The following OR51B5 variants were observed in gnomAD, a reference collection of about 807,000 sequenced individuals.
OR51B5 encodes olfactory receptor family 51 subfamily B member 5, also known as olfactory receptor 51B5.
For missense variants in OR51B5, 456 were observed against 374.6 expected, an observed-to-expected ratio of 1.22 and a Z score of -1.79; for synonymous variants, 186 against 144.8, an observed-to-expected ratio of 1.28 and a Z score of -2.04.
At chr11:5,366,321 GA>G (rs1228517437) in intron 1 of OR51B5, among the ~76,000 whole-genome samples, 1 of 152,108 alleles carries the variant, frequency 6.6e-6, no homozygotes, top group African/African-American at 2.4e-5. Context: ...GCCTGTTAAA[GA>G]AAAGGCTACA....
rs188813445 is a variant in OR51B5 at position 5,496,248 on chromosome 11, G to A, written n.84+9321C>T. Reference sequence around the variant, plus strand: ...GTTCCCTAGGAGTTCTTCTCATAGGGCCCCTTGCATGGCATGCCTCTGGTT... The same window carrying A: ...GTTCCCTAGGAGTTCTTCTCATAGGACCCCTTGCATGGCATGCCTCTGGTT... On this transcript the variant is annotated intron_variant and non_coding_transcript_variant, in intron 1 of 4. Transcript: ENST00000415970. 3.5e-3 allele frequency among the ~76,000 whole-genome samples: 187 copies of A among 53,340 alleles called. 3 individuals are homozygous for A. Among genetic ancestry groups the A allele is most frequent in the Non-Finnish European group, 5.0e-3 (121 of 24,430 alleles). The allele number at this position is 53,340 out of a possible 152,430, so 35.0% of individuals were successfully genotyped here.
At chr11:5,464,839 C>G (rs1851112752) in intron 1 of OR51B5, among the ~76,000 whole-genome samples, 1 of 152,076 alleles carries the variant, frequency 6.6e-6, no homozygotes, top group Admixed American at 6.5e-5. Context: ...ATTTCTAGTT[C>G]TAGATCCCTG....
At chr11:5,481,558 G>T (rs12291091) in intron 1 of OR51B5, among the ~76,000 whole-genome samples, 1 of 149,974 alleles carries the variant, frequency 6.7e-6, no homozygotes, top group Non-Finnish European at 1.5e-5. Flanking sequence ...AGGAAAAGAG[G>T]AAGTCAAATT....
chr11:5,476,846 G>T (rs1851314210), intron 1 of OR51B5, among the ~76,000 whole-genome samples: 1 of 151,982 alleles, frequency 6.6e-6, no homozygotes, highest in South Asian at 2.1e-4. Flanking sequence ...TACAGAGTTA[G>T]ATAGCTAACT....
intron 1 of OR51B5, among the ~76,000 whole-genome samples, chr11:5,460,404 A>G (rs1851031389): frequency 6.6e-6 from 1 of 152,244 alleles, no homozygotes. Context: ...TTTTGAAAAA[A>G]GAAATTCTTC....
At chr11:5,399,945 T>C (rs1399452960) in intron 1 of OR51B5, among the ~76,000 whole-genome samples, 1 of 152,136 alleles carries the variant, frequency 6.6e-6, no homozygotes, top group African/African-American at 2.4e-5. Flanking sequence ...GATCAAGGAT[T>C]CAGTAAGGCA....
chr11:5,496,515 T>C (rs753938868), intron 1 of OR51B5, among the ~76,000 whole-genome samples: 1 of 152,170 alleles, frequency 6.6e-6, no homozygotes, highest in Non-Finnish European at 1.5e-5. Flanking sequence ...CATGGCTTTG[T>C]ATTACCTCTT....
chr11:5,485,621 C>G (rs1851486764), intron 1 of OR51B5, among the ~76,000 whole-genome samples: 1 of 152,170 alleles, frequency 6.6e-6, no homozygotes, highest in South Asian at 2.1e-4. Flanking sequence ...TTCTAGTCCT[C>G]CAGCACAAAA....
intron 1 of OR51B5, among the ~76,000 whole-genome samples, chr11:5,433,377 T>C (rs1850557519): frequency 6.6e-6 from 1 of 152,148 alleles, no homozygotes; most frequent in Admixed American, 6.5e-5. Context: ...AACAGTGAAG[T>C]AGGAAGGGGT....
At chr11:5,351,459 T>C in intron 1 of OR51B5, 1 of 1,442,584 alleles carries the variant, frequency 6.9e-7, no homozygotes, top group Non-Finnish European at 9.5e-7. Context: ...TACAACTGAT[T>C]ACTATTGCTT....
At chr11:5,468,502 A>G (rs947387356) in intron 1 of OR51B5, 1 of 356,886 alleles carries the variant, frequency 2.8e-6, no homozygotes, top group Admixed American at 3.7e-5. Flanking sequence ...CTTAGCTCCC[A>G]ATAACATCTT....
chr11:5,385,349 A>G (rs566483559), intron 1 of OR51B5: 16 of 151,936 alleles, frequency 1.1e-4, no homozygotes, highest in Non-Finnish European at 1.9e-4. Flanking sequence ...TTGTCTCTGT[A>G]TAGACATCTT....
chr11:5,468,270 C>G (rs1851168172), intron 1 of OR51B5, among the ~76,000 whole-genome samples: 1 of 152,200 alleles, frequency 6.6e-6, no homozygotes, highest in African/African-American at 2.4e-5. Context: ...AGAGAAGTCA[C>G]TTGTGGCAAC....
At chr11:5,372,293 A>T (rs4462380) in intron 1 of OR51B5, among the ~76,000 whole-genome samples, 1 of 151,996 alleles carries the variant, frequency 6.6e-6, no homozygotes, top group Admixed American at 6.5e-5. Flanking sequence ...TACAGCAGAG[A>T]AATTTCTTCA....
At chr11:5,352,439 G>A (rs753316687) in intron 1 of OR51B5, 1 of 1,579,358 alleles carries the variant, frequency 6.3e-7, no homozygotes, top group South Asian at 1.1e-5. Flanking sequence ...CCTCACTCTA[G>A]AGCATGACAT....
At chr11:5,393,067 T>C (rs1849820751) in intron 1 of OR51B5, 1 of 152,216 alleles carries the variant, frequency 6.6e-6, no homozygotes, top group South Asian at 2.1e-4. Context: ...GCTCTGTGTC[T>C]CAGAAATGCC....
intron 1 of OR51B5, chr11:5,456,481 C>T (rs572938516): frequency 2.6e-5 from 4 of 152,170 alleles, no homozygotes; most frequent in South Asian, 4.2e-4. Flanking sequence ...AACTCTTTAA[C>T]TTCTTTTTAT....
At chr11:5,462,589 A>C (rs1851074042) in intron 1 of OR51B5, among the ~76,000 whole-genome samples, 1 of 152,170 alleles carries the variant, frequency 6.6e-6, no homozygotes, top group Admixed American at 6.5e-5. Context: ...GTGTTTTAAA[A>C]AACGACAAAT....
chr11:5,427,973 G>T (rs1008092875), intron 1 of OR51B5, among the ~76,000 whole-genome samples: 6 of 152,006 alleles, frequency 3.9e-5, no homozygotes, highest in Admixed American at 2.0e-4. Context: ...AGAGGAAAAA[G>T]GTACTGATGT....
Sources: allele counts gnomAD v4.1 joint callset (sites outside exome capture counted in the v4.1 genomes callset), GRCh38; gene constraint gnomAD v4.1.1; transcripts MANE v1.5; gene names NCBI Gene and HGNC (gene_info 2026-07-23, HGNC 2026-07-21).